The following MON2 variants were observed in gnomAD, a reference collection of about 807,000 sequenced individuals.
MON2 encodes MON2 regulator of endosome-to-Golgi trafficking, also known as protein MON2 homolog.
In MON2, 84 loss-of-function variants were observed where a neutral mutation model predicts 208.6. That is an observed-to-expected ratio of 0.40 (90% CI 0.34 to 0.48). The LOEUF is 0.48. Ranked by LOEUF, MON2 falls within the 20% of genes least tolerant of loss-of-function variation. The probability of loss-of-function intolerance (pLI) is 0.59; values close to 1 mark genes in which losing one functional copy is unlikely to be tolerated. For missense variants in MON2, 1,611 were observed against 2,015.4 expected, an observed-to-expected ratio of 0.80 and a Z score of 3.84; for synonymous variants, 660 against 694.0, an observed-to-expected ratio of 0.95 and a Z score of 0.77.
intron 32 of MON2, among the ~76,000 whole-genome samples, chr12:62,584,320 T>C (rs566187964): frequency 2.0e-5 from 3 of 152,244 alleles, no homozygotes; most frequent in East Asian, 3.9e-4. Context: ...CGGAGGTACA[T>C]GCGCTCAAAA....
At position 62,549,840 on chromosome 12, in the gene MON2, A is replaced by G; in HGVS notation, c.2916+10A>G. The G allele has an allele frequency of 1.3e-6, 2 of 1,529,682 alleles. No homozygotes were observed. Among genetic ancestry groups the G allele is most frequent in the Non-Finnish European group, 1.8e-6 (2 of 1,124,210 alleles). 94.8% of individuals were successfully genotyped at this position (1,529,682 alleles called of 1,614,324 possible). Reference sequence around the variant, plus strand: ...TTCAATAGGTTTATTGGTAAGTATCATTGTCCTTAGAATATAATATAATTT... The same window carrying G: ...TTCAATAGGTTTATTGGTAAGTATCGTTGTCCTTAGAATATAATATAATTT... On this transcript the variant is annotated intron_variant, in intron 23 of 34. Coordinates refer to ENST00000393630, the MANE Select transcript of MON2 (RefSeq NM_015026.3).
chr12:62,495,519 TCTCTACTAAAAATA>T (rs2070421099), intron 4 of MON2, among the ~76,000 whole-genome samples: 1 of 151,868 alleles, frequency 6.6e-6, no homozygotes, highest in African/African-American at 2.4e-5. Context: ...TGAAACCCCG[TCTCTACTAAAAATA>T]CAAAAAATTA....
chr12:62,521,693 C>T (rs1175692776), intron 8 of MON2, among the ~76,000 whole-genome samples: 2 of 152,048 alleles, frequency 1.3e-5, no homozygotes, highest in Admixed American at 6.6e-5. Flanking sequence ...GAATTTCTCA[C>T]TCATTAGGTA....
rs571307675 is a variant in MON2 at position 62,476,519 on chromosome 12, A to G, written c.112-7651A>G. On this transcript the variant is annotated intron_variant, in intron 1 of 34. Transcript: ENST00000393630. ...GCATGATCTAGGCTTACTGCAACCT[A>G]TGCCTCCCAGGCTCAAGCGATTCTC... Among the ~76,000 whole-genome samples, 3 of 151,234 alleles carry G rather than the reference A, an allele frequency of 2.0e-5. No homozygotes were observed. In the South Asian group the frequency reaches 6.3e-4, roughly 32 times the overall value.
At chr12:62,564,904 CT>C (rs1176453510) in intron 26 of MON2, 1 of 182,638 alleles carries the variant, frequency 5.5e-6, no homozygotes, top group Non-Finnish European at 1.1e-5. Context: ...GTCACACATT[CT>C]TAATGGCCTA....
At chr12:62,512,719 AG>A (rs1335925620) in intron 8 of MON2, among the ~76,000 whole-genome samples, 1 of 152,174 alleles carries the variant, frequency 6.6e-6, no homozygotes, top group Non-Finnish European at 1.5e-5. Flanking sequence ...GTGCTCCAGT[AG>A]GGACTCTGTG....
chr12:62,470,567 A>T, intron 1 of MON2: 1 of 229,842 alleles, frequency 4.4e-6, no homozygotes, highest in Non-Finnish European at 7.2e-6. Context: ...CCTTTGTTTT[A>T]AAAATTACTT....
chr12:62,573,272 C>T (rs775324139), intron 30 of MON2, among the ~76,000 whole-genome samples: 1 of 152,052 alleles, frequency 6.6e-6, no homozygotes, highest in Non-Finnish European at 1.5e-5. Flanking sequence ...ACATAAGAGC[C>T]TGAGTCACTG....
chr12:62,576,429 C>A (rs1174259026), intron 30 of MON2, among the ~76,000 whole-genome samples: 1 of 151,864 alleles, frequency 6.6e-6, no homozygotes, highest in Non-Finnish European at 1.5e-5. Context: ...TACTAAGGAA[C>A]ACTAAATTGT....
In MON2 at chr12:62,534,940, G is replaced by T. The variant is rs750758200; in HGVS notation, c.1715+14G>T. 3.2e-6 allele frequency: 5 copies of T among 1,576,238 alleles called. No individual in the cohort carries two copies. Among genetic ancestry groups the T allele is most frequent in the Non-Finnish European group, 4.3e-6 (5 of 1,153,576 alleles). Reference sequence around the variant, plus strand: ...TCTTGATGCCAGGTATTAAGTCTTTGTAAGTTTTATATTGAACTGTGTCAG... The same window carrying T: ...TCTTGATGCCAGGTATTAAGTCTTTTTAAGTTTTATATTGAACTGTGTCAG... On this transcript the variant is annotated intron_variant, in intron 13 of 34. Coordinates refer to ENST00000393630, the MANE Select transcript of MON2 (RefSeq NM_015026.3).
intron 19 of MON2, among the ~76,000 whole-genome samples, chr12:62,541,199 T>C (rs1487000361): frequency 6.6e-6 from 1 of 152,006 alleles, no homozygotes; most frequent in African/African-American, 2.4e-5. Flanking sequence ...CTGGCCAACA[T>C]AGGGAACCTC....
At chr12:62,513,207 C>T (rs915530778) in intron 8 of MON2, among the ~76,000 whole-genome samples, 4 of 152,152 alleles carry the variant, frequency 2.6e-5, no homozygotes, top group African/African-American at 4.8e-5. Context: ...TGAAATTCTC[C>T]TCAGAAAATG....
At chr12:62,537,959 T>C in intron 16 of MON2, 137 bp from the exon 17 acceptor site, 1 of 732,406 alleles carries the variant, frequency 1.4e-6, no homozygotes, top group South Asian at 1.9e-5. Flanking sequence ...TAATTAGTGA[T>C]TTTAGTTTTA....
At chr12:62,496,721 A>C (rs1592869727) in intron 4 of MON2, among the ~76,000 whole-genome samples, 1 of 152,238 alleles carries the variant, frequency 6.6e-6, no homozygotes, top group Admixed American at 6.5e-5. Context: ...CTGACAAAGG[A>C]CTTATATCTA....
chr12:62,560,575 C>T lies in MON2; in HGVS notation c.3494C>T (p.Ala1165Val), dbSNP rs748639630. The T allele has an allele frequency of 1.2e-5, 19 of 1,613,932 alleles. No homozygotes were observed. Among genetic ancestry groups the T allele is most frequent in the Non-Finnish European group, 1.1e-5 (13 of 1,180,008 alleles). The stretch of plus-strand genomic sequence containing the variant: ...AAAAACAATGAAGTATCTCTGGCTG[C>T]TCTGAAAAGCTTCCAGGAAATTTTA... ...LSKNNEVSLA[A>V]LKSFQEILQI... is the part of the protein sequence containing the mutation. Residue 1165 changes from alanine to valine, a missense_variant, in exon 26 of 35, where the codon GCT becomes GTT. Coordinates refer to ENST00000393630, the MANE Select transcript of MON2 (RefSeq NM_015026.3).
chr12:62,532,064 C>T (rs1197425074), intron 11 of MON2, among the ~76,000 whole-genome samples: 6 of 152,088 alleles, frequency 3.9e-5, no homozygotes, highest in Admixed American at 1.3e-4. Flanking sequence ...CCACCACGCC[C>T]GGCCAATGGC....
chr12:62,484,566 G>A (rs996706402), intron 2 of MON2, among the ~76,000 whole-genome samples: 2 of 152,094 alleles, frequency 1.3e-5, no homozygotes, highest in Non-Finnish European at 1.5e-5. Context: ...AGTAATATTT[G>A]TTCCATTGTA....
At position 62,580,445 on chromosome 12, in the gene MON2, A is replaced by G. The variant is rs745840396; in HGVS notation, c.4699+25A>G. 7 of 1,556,540 alleles carry G rather than the reference A, an allele frequency of 4.5e-6. No homozygotes were observed. The Admixed American group carries it at 5.3e-5, about 12-fold the overall frequency. On this transcript the variant is annotated intron_variant, in intron 32 of 34. Transcript: ENST00000393630. ...GGTATGTTAATTTTTTTAAGTATTA[A>G]AAAGTATTGAAGTACTTTTGAAGAA...
chr12:62,595,168 G>A lies in MON2; in HGVS notation c.*2419G>A, dbSNP rs1441862020. 7 of 149,306 alleles carry A rather than the reference G, an allele frequency of 4.7e-5. No homozygotes were observed. The highest frequency in any genetic ancestry group is 2.1e-4 in the South Asian group (1 of 4,728). 9.2% of individuals were successfully genotyped at this position (149,306 alleles called of 1,614,324 possible). A position where few individuals can be genotyped will look rare whatever the true frequency, so the allele number is the denominator to read the frequency against. On this transcript the variant is annotated 3_prime_UTR_variant, in exon 35 of 35. Coordinates refer to ENST00000393630, the MANE Select transcript of MON2 (RefSeq NM_015026.3). ...TTTTTTTTTTTTTTTCATTTGAGAC[G>A]GAGTCTCGCTCTGTCACCCAGGCTG...
Sources: gnomAD v4.1 joint callset for allele counts (sites outside exome capture counted in the v4.1 genomes callset) on GRCh38, gnomAD v4.1.1 for gene constraint, MANE v1.5 for transcripts, NCBI Gene and HGNC (gene_info 2026-07-23, HGNC 2026-07-21) for gene names.